The following IQGAP2 variants were observed in gnomAD, a reference collection of about 807,000 sequenced individuals.
The protein encoded by IQGAP2 is ras GTPase-activating-like protein IQGAP2.
In IQGAP2, 173 loss-of-function variants were observed where a neutral mutation model predicts 201.3. That is an observed-to-expected ratio of 0.86 (90% CI 0.76 to 0.98). The LOEUF is 0.98. Ranked by LOEUF, IQGAP2 falls within the 50% of genes least tolerant of loss-of-function variation. IQGAP2 has a pLI of 0.00. For missense variants in IQGAP2, 1,687 were observed against 1,864.8 expected (o/e 0.90, Z 1.76); for synonymous variants, 675 against 673.9 (o/e 1.00, Z -0.03).
At chr5:76,484,822 T>C (rs1029253081) in intron 2 of IQGAP2, among the ~76,000 whole-genome samples, 9 of 151,654 alleles carry the variant, frequency 5.9e-5, no homozygotes, top group Admixed American at 2.0e-4. Flanking sequence ...CTCTCTCTCT[T>C]TTTGTTATTG....
chr5:76,411,531 C>T (rs115998215), intron 1 of IQGAP2, among the ~76,000 whole-genome samples: 1,822 of 152,196 alleles, frequency 0.012, 44 homozygotes, highest in African/African-American at 0.041. Context: ...ATTAGGCCAC[C>T]AGAGTTCTGC....
chr5:76,654,155 C>G lies in IQGAP2; in HGVS notation c.2179-45C>G, dbSNP rs1258605020. The G allele has an allele frequency of 3.0e-6, 4 of 1,349,460 alleles. No individual in the cohort carries two copies. In the East Asian group the frequency reaches 6.9e-5, roughly 23 times the overall value. The allele number at this position is 1,349,460 out of a possible 1,614,324, so 83.6% of individuals were successfully genotyped here. ...TTGTTTGGTGATTACTTTGACTTTT[C>G]TCTTTATTTTTTGTTGTACTTTTCT... On this transcript the variant is annotated intron_variant, in intron 18 of 35. Coordinates refer to ENST00000274364, the MANE Select transcript of IQGAP2 (RefSeq NM_006633.5).
intron 2 of IQGAP2, among the ~76,000 whole-genome samples, chr5:76,495,875 A>C (rs1756863756): frequency 6.6e-6 from 1 of 152,230 alleles, no homozygotes. Flanking sequence ...ATCTGCCTCC[A>C]TCATCCAATC....
At chr5:76,504,173 A>G (rs1757460936) in intron 2 of IQGAP2, among the ~76,000 whole-genome samples, 1 of 152,220 alleles carries the variant, frequency 6.6e-6, no homozygotes, top group African/African-American at 2.4e-5. Context: ...TCCAGGGATC[A>G]GTGAGCGTGT....
At chr5:76,465,901 A>C (rs1373098214) in intron 2 of IQGAP2, among the ~76,000 whole-genome samples, 1 of 152,250 alleles carries the variant, frequency 6.6e-6, no homozygotes, top group African/African-American at 2.4e-5. Flanking sequence ...ATAGACAGAA[A>C]GACATCTCAT....
chr5:76,637,318 C>T (rs1751226887), intron 16 of IQGAP2, 142 bp downstream of exon 16: 1 of 633,422 alleles, frequency 1.6e-6, no homozygotes, highest in South Asian at 3.1e-5. Flanking sequence ...TCATGAACTG[C>T]AGTTGAATGT....
chr5:76,595,105 A>C (rs2150314528), intron 9 of IQGAP2, among the ~76,000 whole-genome samples: 1 of 152,270 alleles, frequency 6.6e-6, no homozygotes, highest in South Asian at 2.1e-4. Context: ...TGTTGGTGGT[A>C]ATGTCAACAG....
At chr5:76,534,860 C>A (rs112671047) in intron 2 of IQGAP2, among the ~76,000 whole-genome samples, 2,346 of 152,300 alleles carry the variant, frequency 0.015, 51 homozygotes, top group African/African-American at 0.052. Context: ...GTCTTTTAAA[C>A]CCTCTTGTGT....
rs756510408 is a variant in IQGAP2, at chr5:76,600,981, C to T, written c.1232+9C>T. Reference sequence around the variant, plus strand: ...AAGGCATATGTGGAACGGTAAGGAACATTTTCCAAACCTTCTTTCAATGCA... The same window carrying T: ...AAGGCATATGTGGAACGGTAAGGAATATTTTCCAAACCTTCTTTCAATGCA... On this transcript the variant is annotated intron_variant, in intron 11 of 35. Transcript: ENST00000274364. The T allele has an allele frequency of 1.9e-6, 3 of 1,608,370 alleles. No individual in the cohort carries two copies. The highest frequency in any genetic ancestry group is 4.5e-5 in the East Asian group (2 of 44,700).
chr5:76,541,683 T>A (rs1004151203), intron 2 of IQGAP2, among the ~76,000 whole-genome samples: 1 of 152,214 alleles, frequency 6.6e-6, no homozygotes, highest in Non-Finnish European at 1.5e-5. Flanking sequence ...ATCCTCACCA[T>A]CATTTGTTAT....
intron 30 of IQGAP2, among the ~76,000 whole-genome samples, chr5:76,685,351 G>A (rs1314320828): frequency 6.6e-6 from 1 of 152,122 alleles, no homozygotes; most frequent in Non-Finnish European, 1.5e-5. Context: ...GATCTCATAA[G>A]CTTTGTCCTT....
chr5:76,575,208 T>G (rs934195972), intron 4 of IQGAP2, among the ~76,000 whole-genome samples: 1 of 148,326 alleles, frequency 6.7e-6, no homozygotes, highest in African/African-American at 2.5e-5. Flanking sequence ...TGTCTTACTT[T>G]AAACAGATTT....
chr5:76,456,027 G>C (rs905935384), intron 1 of IQGAP2, among the ~76,000 whole-genome samples: 3 of 152,200 alleles, frequency 2.0e-5, no homozygotes, highest in Non-Finnish European at 4.4e-5. Context: ...TTAGTATCTT[G>C]TGTGACTATT....
intron 28 of IQGAP2, among the ~76,000 whole-genome samples, chr5:76,682,619 C>G (rs191757434): frequency 1.3e-5 from 2 of 152,312 alleles, no homozygotes; most frequent in East Asian, 3.9e-4. Context: ...GGAAACCACT[C>G]AGGACATCTA....
chr5:76,584,114 C>T (rs374139704), intron 5 of IQGAP2, among the ~76,000 whole-genome samples: 4 of 152,196 alleles, frequency 2.6e-5, no homozygotes, highest in African/African-American at 4.8e-5. Context: ...CTCAAATGAT[C>T]GCCTGCCTTG....
chr5:76,665,388 G>T (rs575072079), intron 22 of IQGAP2, among the ~76,000 whole-genome samples: 3 of 152,114 alleles, frequency 2.0e-5, no homozygotes, highest in Non-Finnish European at 4.4e-5. Flanking sequence ...GAGTACTGTT[G>T]TTATTCCTGC....
intron 2 of IQGAP2, among the ~76,000 whole-genome samples, chr5:76,556,452 G>A (rs757924447): frequency 1.3e-5 from 2 of 152,058 alleles, no homozygotes; most frequent in African/African-American, 4.8e-5. Flanking sequence ...ATGATTTGGG[G>A]CTGCTTTTCA....
chr5:76,436,499 ATATATATATATATATATATTTTTTTTTTT>A (rs1752677673), intron 1 of IQGAP2, among the ~76,000 whole-genome samples: 1 of 18,702 alleles, frequency 5.3e-5, no homozygotes, highest in African/African-American at 3.9e-4. Flanking sequence ...ATATATATAT[ATATATATATATATATATATTTTTTTTTTT>A]TTTTTTTTTT....
intron 28 of IQGAP2, 69 bp from the exon 29 acceptor site, chr5:76,683,046 T>A (rs1580810903): frequency 5.5e-6 from 5 of 908,580 alleles, no homozygotes; most frequent in Non-Finnish European, 6.8e-6. Context: ...TTATGAAAAA[T>A]TTCATATAAA....
Sources: gnomAD v4.1 joint callset for allele counts (sites outside exome capture counted in the v4.1 genomes callset) on GRCh38, gnomAD v4.1.1 for gene constraint, MANE v1.5 for transcripts, NCBI Gene and HGNC (gene_info 2026-07-23, HGNC 2026-07-21) for gene names.